DMD: variants seen among roughly 807,000 people sequenced by gnomAD.
DMD encodes dystrophin, also known as mutant dystrophin.
DMD carries 63 observed loss-of-function variants against 330.1 expected under a neutral mutation model. The observed-to-expected ratio is 0.19, with a 90% CI of 0.16 to 0.24. The LOEUF is 0.24. Ranked by LOEUF, DMD falls within the 10% of genes least tolerant of loss-of-function variation. The pLI is 1.00. For missense variants in DMD, 3,344 were observed against 2,684.1 expected (o/e 1.25, Z -5.43); for synonymous variants, 1,223 against 959.8 (o/e 1.27, Z -5.07).
intron 71 of DMD, among the ~76,000 whole-genome samples, chrX:31,176,652 C>T (rs2040536752): frequency 2.7e-5 from 3 of 111,263 alleles, no homozygotes; most frequent in Non-Finnish European, 5.7e-5. Context: ...TATTTATGAA[C>T]GGTTGTAACT....
rs1182774000 is a variant in DMD at position 31,260,959 on chromosome X, A to G, written c.9282T>C (p.Ser3094=). Residue 3094 remains serine, a synonymous_variant, in exon 63 of 79, where the codon TCT becomes TCC. Coordinates refer to ENST00000357033, the MANE Select transcript of DMD (RefSeq NM_004006.3). ...DHPKMTELYQ[S]LADLNNVRFS... is the part of the protein sequence containing the mutation. ...GAAACATGGCCATGTCCTTACCTAA[A>G]GACTGGTAGAGCTCTGTCATTTTGG... 8.3e-7 allele frequency: 1 copy of G among 1,210,404 alleles called. No individual in the cohort carries two copies. The highest frequency in any genetic ancestry group is 2.2e-5 in the Admixed American group (1 of 46,024).
intron 2 of DMD, among the ~76,000 whole-genome samples, chrX:32,896,838 A>G (rs748970131): frequency 8.9e-6 from 1 of 112,311 alleles, no homozygotes; most frequent in Non-Finnish European, 1.9e-5. Context: ...CAAGGAAAAT[A>G]TTTTTCAGAT....
At chrX:32,689,798 T>C (rs1040255066) in intron 9 of DMD, among the ~76,000 whole-genome samples, 2 of 111,307 alleles carry the variant, frequency 1.8e-5, no homozygotes, top group African/African-American at 6.5e-5. Flanking sequence ...AGAAGTCACA[T>C]GTTCATTTCA....
At chrX:33,106,897 T>C (rs2095292454) in intron 1 of DMD, among the ~76,000 whole-genome samples, 1 of 112,391 alleles carries the variant, frequency 8.9e-6, no homozygotes, top group African/African-American at 3.2e-5. Flanking sequence ...CCACATCCTG[T>C]CATGCTAGGG....
intron 2 of DMD, among the ~76,000 whole-genome samples, chrX:32,973,664 A>G (rs150049765): frequency 1.8e-5 from 2 of 112,134 alleles, no homozygotes; most frequent in South Asian, 7.5e-4. Context: ...GAGGCTATAG[A>G]TATTGCAGAG....
chrX:31,657,689 G>A, intron 54 of DMD, among the ~76,000 whole-genome samples: 1 of 111,959 alleles, frequency 8.9e-6, no homozygotes, highest in Middle Eastern at 4.6e-3. Flanking sequence ...ATATTCCTTT[G>A]GATAGAGTTA....
intron 9 of DMD, among the ~76,000 whole-genome samples, chrX:32,645,686 ATCTAAAATT>A (rs1310522381): frequency 8.9e-6 from 1 of 111,887 alleles, no homozygotes; most frequent in East Asian, 2.8e-4. Context: ...TCACCCACCC[ATCTAAAATT>A]TCTAACAGCA....
chrX:33,053,455 G>A (rs760006170), intron 1 of DMD, among the ~76,000 whole-genome samples: 1 of 109,949 alleles, frequency 9.1e-6, no homozygotes, highest in Admixed American at 9.8e-5. Context: ...AATTAGCCGG[G>A]CATGGTGGCA....
chrX:32,967,989 C>T (rs1328213840), intron 2 of DMD, among the ~76,000 whole-genome samples: 2 of 111,808 alleles, frequency 1.8e-5, no homozygotes, highest in Non-Finnish European at 3.8e-5. Flanking sequence ...CAGTATTATA[C>T]TTATCTATCT....
chrX:32,411,554 T>A (rs1444910839), intron 30 of DMD, among the ~76,000 whole-genome samples, 198 bp downstream of exon 30: 1 of 111,606 alleles, frequency 9.0e-6, no homozygotes, highest in East Asian at 2.8e-4. Context: ...AATTCCTCCA[T>A]TACATCCTTA....
At chrX:32,941,757 C>G (rs1441222985) in intron 2 of DMD, among the ~76,000 whole-genome samples, 1 of 111,204 alleles carries the variant, frequency 9.0e-6, no homozygotes, top group Non-Finnish European at 1.9e-5. Flanking sequence ...CTGGAATTCA[C>G]TTGCATGCTC....
chrX:32,830,080 G>A (rs2079039990), intron 4 of DMD, among the ~76,000 whole-genome samples: 1 of 111,630 alleles, frequency 9.0e-6, no homozygotes, highest in Admixed American at 9.5e-5. Flanking sequence ...GGAGGTATTT[G>A]TCATGCCTGA....
intron 43 of DMD, among the ~76,000 whole-genome samples, chrX:32,267,469 A>T (rs1334971178): frequency 8.9e-6 from 1 of 112,273 alleles, no homozygotes; most frequent in Non-Finnish European, 1.9e-5. Flanking sequence ...TATTTCAAGA[A>T]TTGTACTTTT....
chrX:31,513,824 A>G (rs1044518459), intron 55 of DMD, among the ~76,000 whole-genome samples: 1 of 110,863 alleles, frequency 9.0e-6, no homozygotes. Flanking sequence ...CCTCTCAACA[A>G]CCCTCTAGGG....
chrX:32,630,656 C>G (rs73209804), intron 11 of DMD, among the ~76,000 whole-genome samples: 14,022 of 111,019 alleles, frequency 0.13, 759 homozygotes, highest in African/African-American at 0.2. Flanking sequence ...CTTTCAACTC[C>G]AGAATTTTTG....
rs2090370763 is a variant in DMD, at chrX:31,771,986, T to G, written c.7542+1974A>C. 2.7e-5 allele frequency among the ~76,000 whole-genome samples: 3 copies of G among 111,798 alleles called. No homozygotes were observed. In the South Asian group the frequency reaches 1.1e-3, roughly 42 times the overall value. ...GAAGTGTGGACTTTCTCTCCCAATC[T>G]ATTATCTGGTAACTTCTGCAGGAAG... is the stretch of plus-strand genomic sequence containing the variant. On this transcript the variant is annotated intron_variant, in intron 51 of 78. Coordinates refer to ENST00000357033, the MANE Select transcript of DMD (RefSeq NM_004006.3).
At chrX:31,444,006 C>T (rs1345571219) in intron 60 of DMD, among the ~76,000 whole-genome samples, 2 of 110,963 alleles carry the variant, frequency 1.8e-5, no homozygotes, top group Non-Finnish European at 3.8e-5. Flanking sequence ...GGTTTGGTGC[C>T]ATTCTCACGG....
intron 47 of DMD, among the ~76,000 whole-genome samples, chrX:31,892,983 CAT>C (rs776076163): frequency 3.5e-4 from 39 of 111,982 alleles, no homozygotes; most frequent in African/African-American, 1.2e-3. Flanking sequence ...ATTAAAATAA[CAT>C]ATGTGGCTCA....
intron 5 of DMD, among the ~76,000 whole-genome samples, chrX:32,819,144 G>A (rs2078013234): frequency 9.1e-6 from 1 of 109,339 alleles, no homozygotes; most frequent in African/African-American, 3.3e-5. Context: ...AAGAGGGTAG[G>A]AATAATCTTA....
Sources: gnomAD v4.1 joint callset for allele counts (sites outside exome capture counted in the v4.1 genomes callset) on GRCh38, gnomAD v4.1.1 for gene constraint, MANE v1.5 for transcripts, NCBI Gene and HGNC (gene_info 2026-07-23, HGNC 2026-07-21) for gene names.